Variants in PDE1A observed in about 807,000 individuals in gnomAD.
PDE1A encodes phosphodiesterase 1A.
Under a neutral mutation model 61.7 loss-of-function variants are expected in PDE1A, and 35 were observed. The observed-to-expected ratio is 0.57, with a 90% CI of 0.43 to 0.75. The LOEUF is 0.75. Ranked by LOEUF, PDE1A falls within the 30% of genes least tolerant of loss-of-function variation. The pLI is 0.00. For synonymous variants in PDE1A, 232 were observed against 213.2 expected (o/e 1.09, Z -0.77); for missense variants, 597 against 630.6 (o/e 0.95, Z 0.57).
At chr2:182,147,449 C>A (rs569027659) in intron 13 of PDE1A, among the ~76,000 whole-genome samples, 1 of 152,206 alleles carries the variant, frequency 6.6e-6, no homozygotes, top group East Asian at 1.9e-4. Flanking sequence ...TGTAAAAAAT[C>A]ATGTTTTTTC....
At chr2:182,583,536 T>C in the PDE1A span, among the ~76,000 whole-genome samples, 1 of 152,194 alleles carries the variant, frequency 6.6e-6, no homozygotes, top group South Asian at 2.1e-4. Context: ...GAAAGTTTAC[T>C]TTTCCTTTGG....
At chr2:182,688,217 A>C in the PDE1A span, among the ~76,000 whole-genome samples, 2 of 152,202 alleles carry the variant, frequency 1.3e-5, no homozygotes, top group African/African-American at 2.4e-5. Context: ...ACTCCAAGAC[A>C]CAAAATTGTC....
At chr2:182,446,688 G>C (rs1685158269) in intron 2 of PDE1A, among the ~76,000 whole-genome samples, 1 of 151,996 alleles carries the variant, frequency 6.6e-6, no homozygotes, top group South Asian at 2.1e-4. Context: ...TACACATGTG[G>C]ACTGTTGAGT....
chr2:182,154,845 A>G (rs767917461), intron 13 of PDE1A, among the ~76,000 whole-genome samples: 1 of 152,206 alleles, frequency 6.6e-6, no homozygotes, highest in Non-Finnish European at 1.5e-5. Context: ...TTCTCAATTT[A>G]CAAGTTAAAA....
the PDE1A span, among the ~76,000 whole-genome samples, chr2:182,610,336 C>T: frequency 6.6e-6 from 1 of 152,032 alleles, no homozygotes; most frequent in African/African-American, 2.4e-5. Context: ...GCCTTTTCTC[C>T]AGTTAATCTG....
chr2:182,300,629 G>A (rs1695178855), intron 1 of PDE1A, among the ~76,000 whole-genome samples: 1 of 152,144 alleles, frequency 6.6e-6, no homozygotes, highest in Non-Finnish European at 1.5e-5. Context: ...AAGATTGGAA[G>A]ACTAAAGATA....
Position 182,194,200 on chromosome 2 carries a change from G to A in PDE1A, c.1126-5140C>T, listed in dbSNP as rs370484585. On this transcript the variant is annotated intron_variant, in intron 10 of 13. Transcript: ENST00000351439. ...TCACAAAACAGCTAGTTGAAGAAGG[G>A]AAAAATCCACGTAGTTATTGTTATT... is the stretch of plus-strand genomic sequence containing the variant. 2.1e-3 allele frequency among the ~76,000 whole-genome samples: 319 copies of A among 152,104 alleles called. 1 individual carries two copies. Among genetic ancestry groups the A allele is most frequent in the South Asian group, 4.8e-3 (23 of 4,806 alleles).
chr2:182,361,316 G>A (rs989674379), intron 1 of PDE1A, among the ~76,000 whole-genome samples: 1 of 152,006 alleles, frequency 6.6e-6, no homozygotes, highest in Non-Finnish European at 1.5e-5. Flanking sequence ...ATACTGTGAG[G>A]ATTAATAGGC....
chr2:182,489,871 G>A (rs1688269224), intron 2 of PDE1A, among the ~76,000 whole-genome samples: 1 of 152,224 alleles, frequency 6.6e-6, no homozygotes, highest in African/African-American at 2.4e-5. Context: ...GGTAGAGCAT[G>A]ATAGATTGAT....
At chr2:182,408,086 C>G (rs1702403505) in intron 1 of PDE1A, among the ~76,000 whole-genome samples, 1 of 150,854 alleles carries the variant, frequency 6.6e-6, no homozygotes. Context: ...CCAGGGAGAT[C>G]TTACCCCACT....
Position 182,396,967 on chromosome 2 carries a change from C to A in PDE1A, c.53+29611G>T, listed in dbSNP as rs747343437. 5.8e-4 allele frequency among the ~76,000 whole-genome samples: 88 copies of A among 152,170 alleles called. 1 individual carries two copies. The highest frequency in any genetic ancestry group is 2.8e-3 in the Admixed American group (43 of 15,272). ...TTCATGCATCTAAGAAACAACATAG[C>A]ACAAATTTATCTACCTGTGGGTATT... On this transcript the variant is annotated intron_variant, in intron 1 of 13. Transcript: ENST00000351439.
chr2:182,510,912 A>G (rs1042339776), intron 2 of PDE1A, among the ~76,000 whole-genome samples: 4 of 152,152 alleles, frequency 2.6e-5, no homozygotes, highest in African/African-American at 9.7e-5. Flanking sequence ...ACTTCCATTG[A>G]GCTAAAAGAA....
the PDE1A span, among the ~76,000 whole-genome samples, chr2:182,652,880 C>T: frequency 1.8e-4 from 28 of 152,250 alleles, no homozygotes; most frequent in South Asian, 4.1e-3. Context: ...TGGAGTCACC[C>T]AAACCTTCAG....
intron 1 of PDE1A, among the ~76,000 whole-genome samples, chr2:182,310,009 G>A (rs1695861015): frequency 6.6e-6 from 1 of 152,142 alleles, no homozygotes. Flanking sequence ...TAAGGGAAGA[G>A]ACAGAGTTAT....
At chr2:182,398,588 A>G (rs1701833769) in intron 1 of PDE1A, among the ~76,000 whole-genome samples, 1 of 152,028 alleles carries the variant, frequency 6.6e-6, no homozygotes, top group Non-Finnish European at 1.5e-5. Context: ...CAATTGAATT[A>G]TAAACAGAGA....
At chr2:182,459,879 G>A (rs751913468) in intron 2 of PDE1A, among the ~76,000 whole-genome samples, 7 of 152,268 alleles carry the variant, frequency 4.6e-5, no homozygotes, top group African/African-American at 1.7e-4. Context: ...ATTGTGCTTA[G>A]CACCATACCT....
At chr2:182,507,907 A>C (rs1404085090) in intron 2 of PDE1A, among the ~76,000 whole-genome samples, 2 of 152,152 alleles carry the variant, frequency 1.3e-5, no homozygotes. Context: ...GAATGCTTGA[A>C]AAAAATACTG....
chr2:182,279,781 T>C (rs565957971), intron 1 of PDE1A, among the ~76,000 whole-genome samples: 1 of 152,002 alleles, frequency 6.6e-6, no homozygotes, highest in East Asian at 1.9e-4. Flanking sequence ...TTTATAAAAA[T>C]TAGCAGTTTC....
At chr2:182,471,806 G>A (rs1415260672) in intron 2 of PDE1A, among the ~76,000 whole-genome samples, 1 of 151,674 alleles carries the variant, frequency 6.6e-6, no homozygotes, top group East Asian at 1.9e-4. Flanking sequence ...CATTTAGAAA[G>A]AGAAAATATT....
Sources: allele counts gnomAD v4.1 joint callset (sites outside exome capture counted in the v4.1 genomes callset), GRCh38; gene constraint gnomAD v4.1.1; transcripts MANE v1.5; gene names NCBI Gene and HGNC (gene_info 2026-07-23, HGNC 2026-07-21).